Variants in ZHX3 observed in about 807,000 individuals in gnomAD.
ZHX3 encodes zinc fingers and homeoboxes protein 3.
A neutral mutation model predicts 64.5 loss-of-function variants in ZHX3; 20 were observed. The observed-to-expected ratio is 0.31, with a 90% CI of 0.22 to 0.45. The LOEUF is 0.45. Ranked by LOEUF, ZHX3 falls within the 20% of genes least tolerant of loss-of-function variation. The probability of loss-of-function intolerance (pLI) is 1.00; values close to 1 mark genes in which losing one functional copy is unlikely to be tolerated. For synonymous variants in ZHX3, 423 were observed against 461.6 expected, an observed-to-expected ratio of 0.92 and a Z score of 1.07; for missense variants, 1,041 against 1,195.8, an observed-to-expected ratio of 0.87 and a Z score of 1.91.
chr20:41,236,270 AC>A (rs1362544129), intron 2 of ZHX3, among the ~76,000 whole-genome samples: 1 of 152,200 alleles, frequency 6.6e-6, no homozygotes, highest in Non-Finnish European at 1.5e-5. Flanking sequence ...GGAAAAAACT[AC>A]TTTAAAGGTC....
intron 1 of ZHX3, among the ~76,000 whole-genome samples, chr20:41,310,602 AAAAAT>A (rs1481999098): frequency 2.0e-5 from 3 of 152,138 alleles, no homozygotes; most frequent in Non-Finnish European, 4.4e-5. Flanking sequence ...TCTAGTGCAA[AAAAAT>A]AAAATAAAAT....
At chr20:41,257,426 T>C (rs1169940259) in intron 2 of ZHX3, among the ~76,000 whole-genome samples, 1 of 152,144 alleles carries the variant, frequency 6.6e-6, no homozygotes, top group Non-Finnish European at 1.5e-5. Context: ...AATGAGCCTA[T>C]AGGCAGCACT....
intron 1 of ZHX3, among the ~76,000 whole-genome samples, chr20:41,270,749 G>T (rs1203698813): frequency 6.6e-5 from 10 of 151,932 alleles, no homozygotes; most frequent in African/African-American, 1.9e-4. Context: ...ATATAACTGT[G>T]CAGTAAGCTA....
chr20:41,306,049 A>G (rs946703661), intron 1 of ZHX3, among the ~76,000 whole-genome samples: 1 of 152,196 alleles, frequency 6.6e-6, no homozygotes, highest in African/African-American at 2.4e-5. Flanking sequence ...TCTGAAATAA[A>G]GCCAATATGT....
intron 1 of ZHX3, among the ~76,000 whole-genome samples, chr20:41,315,274 C>T (rs1398945969): frequency 6.6e-6 from 1 of 151,304 alleles, no homozygotes; most frequent in African/African-American, 2.4e-5. Context: ...CCTCCGCATC[C>T]CGGGTTCAAG....
chr20:41,253,403 C>T (rs1357354628), intron 2 of ZHX3, among the ~76,000 whole-genome samples: 1 of 152,040 alleles, frequency 6.6e-6, no homozygotes, highest in Non-Finnish European at 1.5e-5. Context: ...CAGGTGGTCT[C>T]CTGGTTCCAT....
intron 2 of ZHX3, among the ~76,000 whole-genome samples, chr20:41,250,396 C>A (rs1246020043): frequency 6.6e-6 from 1 of 152,158 alleles, no homozygotes; most frequent in Non-Finnish European, 1.5e-5. Context: ...TAAAAAATCA[C>A]CTGTTGGCCA....
intron 3 of ZHX3, among the ~76,000 whole-genome samples, chr20:41,193,636 A>G (rs2037229935): frequency 6.6e-6 from 1 of 151,738 alleles, no homozygotes; most frequent in Non-Finnish European, 1.5e-5. Context: ...CAGCTTTGCC[A>G]AGTTCATTTA....
Position 41,204,828 on chromosome 20 carries a change from G to C in ZHX3, c.89C>G (p.Ala30Gly). 6.2e-7 allele frequency: 1 copy of C among 1,608,000 alleles called. No homozygotes were observed. Among genetic ancestry groups the C allele is most frequent in the Non-Finnish European group, 8.5e-7 (1 of 1,176,506 alleles). Residue 30 changes from alanine (A) to glycine (G), a missense_variant, in exon 3 of 4, where the codon GCT becomes GGT. Coordinates refer to ENST00000683867, the MANE Select transcript of ZHX3 (RefSeq NM_001384317.1). The surrounding 1 kb of genome is among the most constrained non-coding windows in gnomAD (Gnocchi z 6.6). ...LQDASMEAQP[A>G]ETLPEGPQQD... The stretch of plus-strand genomic sequence containing the variant: ...CTGGGGTCCTTCAGGCAAGGTCTCA[G>C]CGGGCTGGGCCTCCATGCTGGCATC...
In ZHX3 at chr20:41,181,371, ACT is replaced by A. The variant is rs1456769715; in HGVS notation, c.*3818_*3819del. 1 of 152,134 alleles carries A rather than the reference ACT, an allele frequency of 6.6e-6. No individual in the cohort carries two copies. Among genetic ancestry groups the A allele is most frequent in the Admixed American group, 6.5e-5 (1 of 15,276 alleles). 9.4% of individuals were successfully genotyped at this position (152,134 alleles called of 1,614,324 possible). A position where few individuals can be genotyped will look rare whatever the true frequency, so the allele number is the denominator to read the frequency against. On this transcript the variant is annotated 3_prime_UTR_variant, in exon 4 of 4. Transcript: ENST00000683867. ...CAAACTGGTGAAATCTCCCAGGTAAACTCTGAGCAAGAAAAAAGAGAAGATGA... is the reference window on the plus strand; with the variant it reads ...CAAACTGGTGAAATCTCCCAGGTAAACTGAGCAAGAAAAAAGAGAAGATGA...
At chr20:41,196,114 T>G (rs1285264704) in intron 3 of ZHX3, among the ~76,000 whole-genome samples, 1 of 150,972 alleles carries the variant, frequency 6.6e-6, no homozygotes, top group Non-Finnish European at 1.5e-5. Flanking sequence ...TTGCTTAGAG[T>G]GTTGTTGAAA....
intron 2 of ZHX3, among the ~76,000 whole-genome samples, chr20:41,246,477 G>A: frequency 6.6e-6 from 1 of 152,162 alleles, no homozygotes; most frequent in African/African-American, 2.4e-5. Context: ...CTAAAATGGT[G>A]AGACTTTAAC....
At chr20:41,221,970 T>C (rs1363123477) in intron 2 of ZHX3, among the ~76,000 whole-genome samples, 3 of 152,214 alleles carry the variant, frequency 2.0e-5, no homozygotes, top group African/African-American at 7.2e-5. Flanking sequence ...ACTGCCATGA[T>C]CTGAGTCTCT....
chr20:41,209,602 C>T (rs1334306829), intron 2 of ZHX3, among the ~76,000 whole-genome samples: 2 of 152,104 alleles, frequency 1.3e-5, no homozygotes, highest in African/African-American at 4.8e-5. Flanking sequence ...GGAAAGGATT[C>T]CCTATTTAAT....
intron 3 of ZHX3, among the ~76,000 whole-genome samples, chr20:41,197,999 C>CTT (rs11478855): frequency 0.01 from 1,108 of 110,258 alleles, no homozygotes; most frequent in Non-Finnish European, 0.014. Context: ...AACTAGTGCT[C>CTT]TTTTTTTTTT....
Position 41,185,317 on chromosome 20 carries a change from C to T in ZHX3, c.2861-116G>A. 8.0e-7 allele frequency: 1 copy of T among 1,253,148 alleles called. No homozygotes were observed. Among genetic ancestry groups the T allele is most frequent in the East Asian group, 2.5e-5 (1 of 39,776 alleles). 77.6% of individuals were successfully genotyped at this position (1,253,148 alleles called of 1,614,324 possible). On this transcript the variant is annotated intron_variant, in intron 3 of 3. Transcript: ENST00000683867. The surrounding 1 kb of genome is among the most constrained non-coding windows in gnomAD (Gnocchi z 5.0). ...ACTGGCTTTGAGGACCTCTTAATTC[C>T]ATGAGCAATGAATGGCCTTCTGCCA... is the stretch of plus-strand genomic sequence containing the variant.
Position 41,196,996 on chromosome 20 carries a change from G to T in ZHX3, c.2860+5061C>A, listed in dbSNP as rs115882799. 7.8e-4 allele frequency: 143 copies of T among 183,650 alleles called. 1 individual carries two copies. Among genetic ancestry groups the T allele is most frequent in the African/African-American group, 3.2e-3 (138 of 42,652 alleles). 11.4% of individuals were successfully genotyped at this position (183,650 alleles called of 1,614,324 possible). A position where few individuals can be genotyped will look rare whatever the true frequency, so the allele number is the denominator to read the frequency against. ...CAATACACCTGTGTTCACTGTGGAT[G>T]TTAAAAGCCAAAAAGTACCAGGTCA... On this transcript the variant is annotated intron_variant, in intron 3 of 3. Transcript: ENST00000683867.
chr20:41,203,504 C>A lies in ZHX3; in HGVS notation c.1413G>T (p.Lys471Asn), dbSNP rs868257471. Residue 471 changes from lysine to asparagine, a missense_variant, in exon 3 of 4, where the codon AAG becomes AAT. This residue lies in a region of ZHX3 where 649 missense variants were observed against 739.8 expected (regional missense o/e 0.88). Coordinates refer to ENST00000683867, the MANE Select transcript of ZHX3 (RefSeq NM_001384317.1). This position sits in a 1 kb window ranked among gnomAD's most constrained non-coding sequence, Gnocchi z 7.1. ...TVCSNTTSAVKVVNAAQSLLT... is the reference protein window; with the variant it reads ...TVCSNTTSAVNVVNAAQSLLT... ...GGAGCGACTGGGCCGCATTGACCAC[C>A]TTCACAGCTGACGTTGTATTTGAAC... 8.7e-6 allele frequency: 14 copies of A among 1,614,208 alleles called. No homozygotes were observed. The highest frequency in any genetic ancestry group is 3.3e-4 in the Middle Eastern group (2 of 6,062).
chr20:41,289,852 T>C (rs574781787), intron 1 of ZHX3, among the ~76,000 whole-genome samples: 1 of 152,108 alleles, frequency 6.6e-6, no homozygotes, highest in Non-Finnish European at 1.5e-5. Flanking sequence ...CAATAAAAGA[T>C]TGCTGAAAAC....
Sources: allele counts gnomAD v4.1 joint callset (sites outside exome capture counted in the v4.1 genomes callset), GRCh38; gene constraint gnomAD v4.1.1; regional missense constraint gnomAD v4.1.1; non-coding constraint Gnocchi (gnomAD v3.1); transcripts MANE v1.5; gene names NCBI Gene and HGNC (gene_info 2026-07-23, HGNC 2026-07-21).